The following GALNT13 variants were observed in gnomAD, a reference collection of about 807,000 sequenced individuals.
GALNT13 encodes polypeptide N-acetylgalactosaminyltransferase 13, also known as UDP-GalNAc:polypeptide N-acetylgalactosaminyltransferase 13.
GALNT13 carries 28 observed loss-of-function variants against 64.2 expected under a neutral mutation model. The observed-to-expected ratio is 0.44, with a 90% confidence interval of 0.32 to 0.60. GALNT13 has a LOEUF of 0.60. GALNT13 is among the 20% of genes least tolerant of loss of function. The probability of loss-of-function intolerance (pLI) is 0.05; values close to 1 mark genes in which losing one functional copy is unlikely to be tolerated. For synonymous variants in GALNT13, 214 were observed against 224.6 expected, an observed-to-expected ratio of 0.95 and a Z score of 0.42; for missense variants, 577 against 669.8, an observed-to-expected ratio of 0.86 and a Z score of 1.53.
the GALNT13 span, among the ~76,000 whole-genome samples, chr2:153,405,772 T>TA: frequency 6.6e-6 from 1 of 152,158 alleles, no homozygotes; most frequent in Non-Finnish European, 1.5e-5. Context: ...TATAAGCTGA[T>TA]AAAACCCAGG....
At chr2:153,273,389 C>T in the GALNT13 span, among the ~76,000 whole-genome samples, 472 of 152,276 alleles carry the variant, frequency 3.1e-3, 1 homozygote, top group African/African-American at 0.011. Flanking sequence ...GTATTGAGTG[C>T]TGCTTCTTCC....
chr2:153,748,133 A>T, the GALNT13 span, among the ~76,000 whole-genome samples: 1 of 152,144 alleles, frequency 6.6e-6, no homozygotes. Flanking sequence ...CATTTGGTAT[A>T]TATTCCACAG....
Position 154,445,831 on chromosome 2 carries a change from C to G in GALNT13, c.1531-4580C>G, listed in dbSNP as rs568068614. On this transcript the variant is annotated intron_variant, in intron 12 of 12. Coordinates refer to ENST00000392825, the MANE Select transcript of GALNT13 (RefSeq NM_052917.4). ...ACTTAGTGTCTCCCAAGGGCAGGCA[C>G]GGAGCTTCAAGATGTAGGTGGCCAT... is the stretch of plus-strand genomic sequence containing the variant. The G allele has an allele frequency of 2.7e-5, 35 of 1,288,364 alleles. 1 individual carries two copies. In the African/African-American group the frequency reaches 5.0e-4, roughly 18 times the overall value. 79.8% of individuals were successfully genotyped at this position (1,288,364 alleles called of 1,614,324 possible).
At chr2:154,000,357 G>T (rs111489366) in intron 3 of GALNT13, among the ~76,000 whole-genome samples, 1 of 151,828 alleles carries the variant, frequency 6.6e-6, no homozygotes, top group East Asian at 1.9e-4. Context: ...AATTTTGGGC[G>T]TACTTTGTTC....
chr2:154,386,020 A>T (rs1698498012), intron 9 of GALNT13, among the ~76,000 whole-genome samples: 1 of 152,094 alleles, frequency 6.6e-6, no homozygotes. Context: ...GCCTCAGCAT[A>T]ACACAAAATG....
At chr2:154,079,404 T>A (rs1362671213) in intron 3 of GALNT13, among the ~76,000 whole-genome samples, 2 of 151,688 alleles carry the variant, frequency 1.3e-5, no homozygotes, top group Admixed American at 1.3e-4. Flanking sequence ...TAATTGAGCC[T>A]TTCCTTTTTC....
chr2:154,422,279 T>A (rs1700287748), intron 11 of GALNT13, among the ~76,000 whole-genome samples: 1 of 152,166 alleles, frequency 6.6e-6, no homozygotes, highest in Non-Finnish European at 1.5e-5. Context: ...ACACTGTGAA[T>A]TCAGCCAAAT....
chr2:154,440,572 G>T (rs1389198355), intron 12 of GALNT13, among the ~76,000 whole-genome samples: 1 of 152,060 alleles, frequency 6.6e-6, no homozygotes, highest in African/African-American at 2.4e-5. Context: ...AATATTTTGT[G>T]TCATGTTTAC....
chr2:154,225,148 C>G (rs67863410), intron 4 of GALNT13, among the ~76,000 whole-genome samples: 1 of 66,044 alleles, frequency 1.5e-5, no homozygotes, highest in Non-Finnish European at 3.2e-5. Context: ...AGATAGATGA[C>G]AGATAGATAG....
At chr2:153,507,545 C>A in the GALNT13 span, among the ~76,000 whole-genome samples, 2 of 152,142 alleles carry the variant, frequency 1.3e-5, no homozygotes, top group Non-Finnish European at 2.9e-5. Flanking sequence ...TCCCAAAGTG[C>A]TGGGATTACA....
chr2:154,014,635 C>CTTTTTTTTTTTTTTTTTTTTTTTTTTT lies in GALNT13; in HGVS notation c.142+70011_142+70012insTTTTTTTTTTTTTTTTTTTTTTTTTTT, dbSNP rs60950180. ...ACTTTTTGTCTTTCTGATAATTCTC[C>CTTTTTTTTTTTTTTTTTTTTTTTTTTT]TTTTTTTTTTTTTTTGAGACGGAGT... On this transcript the variant is annotated intron_variant, in intron 3 of 12. Transcript: ENST00000392825. Among the ~76,000 whole-genome samples, 127 of 77,184 alleles carry CTTTTTTTTTTTTTTTTTTTTTTTTTTT rather than the reference C, an allele frequency of 1.6e-3. 25 individuals carry two copies. Among genetic ancestry groups the CTTTTTTTTTTTTTTTTTTTTTTTTTTT allele is most frequent in the Non-Finnish European group, 2.9e-3 (108 of 37,082 alleles). The allele number at this position is 77,184 out of a possible 152,430, so 50.6% of individuals were successfully genotyped here.
the GALNT13 span, among the ~76,000 whole-genome samples, chr2:153,073,949 C>T: frequency 1.3e-5 from 2 of 152,052 alleles, no homozygotes; most frequent in East Asian, 3.9e-4. Flanking sequence ...CTGATTTCAT[C>T]TCATAGTGTC....
At chr2:154,334,570 A>G (rs1415409760) in intron 9 of GALNT13, among the ~76,000 whole-genome samples, 1 of 152,042 alleles carries the variant, frequency 6.6e-6, no homozygotes, top group Non-Finnish European at 1.5e-5. Context: ...AGACAAAGGC[A>G]GTAACCACTT....
At chr2:153,539,573 A>G in the GALNT13 span, among the ~76,000 whole-genome samples, 84 of 151,872 alleles carry the variant, frequency 5.5e-4, no homozygotes, top group African/African-American at 1.9e-3. Context: ...TTTTGTATAA[A>G]GTGTAAGGAA....
Position 154,227,342 on chromosome 2 carries a change from T to A in GALNT13, c.312-14688T>A, listed in dbSNP as rs150574078. Reference sequence around the variant, plus strand: ...ACATTTTTCTTTTTTTCTTTTTTTTTATTATACTTTAAGTTTTAGGGTACA... The same window carrying A: ...ACATTTTTCTTTTTTTCTTTTTTTTAATTATACTTTAAGTTTTAGGGTACA... On this transcript the variant is annotated intron_variant, in intron 4 of 12. Transcript: ENST00000392825. Among the ~76,000 whole-genome samples, 467 of 151,362 alleles carry A rather than the reference T, an allele frequency of 3.1e-3. 2 individuals carry two copies. The highest frequency in any genetic ancestry group is 0.011 in the African/African-American group (452 of 41,244).
intron 4 of GALNT13, among the ~76,000 whole-genome samples, chr2:154,187,083 TGA>T (rs1686294045): frequency 6.6e-6 from 1 of 152,002 alleles, no homozygotes; most frequent in Non-Finnish European, 1.5e-5. Flanking sequence ...TCTGAATTGG[TGA>T]GTTTATTGCC....
the GALNT13 span, among the ~76,000 whole-genome samples, chr2:153,842,453 C>T: frequency 2.6e-5 from 4 of 152,056 alleles, no homozygotes; most frequent in Admixed American, 2.6e-4. Context: ...CGAGAAGTGT[C>T]ATCACCTAAG....
the GALNT13 span, among the ~76,000 whole-genome samples, chr2:153,615,759 T>A: frequency 0.19 from 29,608 of 152,058 alleles, 3,065 homozygotes; most frequent in African/African-American, 0.25. Flanking sequence ...TATTCAAATC[T>A]TTTGTCCATT....
the GALNT13 span, among the ~76,000 whole-genome samples, chr2:153,822,306 G>T: frequency 2.6e-5 from 4 of 152,014 alleles, no homozygotes; most frequent in African/African-American, 9.7e-5. Context: ...AAATATTCTT[G>T]ATTAACATAG....
Sources: gnomAD v4.1 joint callset for allele counts (sites outside exome capture counted in the v4.1 genomes callset) on GRCh38, gnomAD v4.1.1 for gene constraint, MANE v1.5 for transcripts, NCBI Gene and HGNC (gene_info 2026-07-23, HGNC 2026-07-21) for gene names.